TTC28: variants seen among roughly 807,000 people sequenced by gnomAD.
TTC28 encodes tetratricopeptide repeat domain 28, also known as tetratricopeptide repeat protein 28.
A neutral mutation model predicts 198.0 loss-of-function variants in TTC28; 61 were observed. The ratio of observed to expected loss-of-function variants is 0.31; its 90% CI spans 0.25 to 0.38. The LOEUF (loss-of-function observed/expected upper bound fraction) is 0.38, where lower values mean the gene tolerates loss of function less well. TTC28 is among the 10% of genes least tolerant of loss of function. The probability of loss-of-function intolerance (pLI) is 1.00; values close to 1 mark genes in which losing one functional copy is unlikely to be tolerated. For missense variants in TTC28, 2,678 were observed against 3,164.0 expected, an observed-to-expected ratio of 0.85 and a Z score of 3.69; for synonymous variants, 1,171 against 1,297.8, an observed-to-expected ratio of 0.90 and a Z score of 2.10.
chr22:28,337,902 T>C lies in TTC28; in HGVS notation c.382-31259A>G, dbSNP rs570511731. On this transcript the variant is annotated intron_variant, in intron 2 of 22. Transcript: ENST00000397906. ...GTCTTTATGATGTTAGCTGGTTATT[T>C]TGCTCGTTGGTTGATGCAGTTTCTT... Among the ~76,000 whole-genome samples, 7 of 152,352 alleles carry C rather than the reference T, an allele frequency of 4.6e-5. No individual in the cohort carries two copies. In the South Asian group the frequency reaches 1.4e-3, roughly 32 times the overall value.
intron 5 of TTC28, among the ~76,000 whole-genome samples, chr22:28,257,752 A>ATATATC (rs1931040350): frequency 2.5e-5 from 1 of 39,414 alleles, no homozygotes; most frequent in African/African-American, 6.9e-5. Context: ...ATATATATAT[A>ATATATC]TATATATATA....
At chr22:28,067,278 T>C (rs1940791737) in intron 12 of TTC28, among the ~76,000 whole-genome samples, 2 of 152,306 alleles carry the variant, frequency 1.3e-5, no homozygotes, top group South Asian at 4.1e-4. Flanking sequence ...AGTGAGAACT[T>C]CTTATAGCAG....
intron 5 of TTC28, among the ~76,000 whole-genome samples, chr22:28,165,063 G>C (rs953132195): frequency 2.6e-5 from 4 of 152,198 alleles, no homozygotes; most frequent in Admixed American, 2.6e-4. Context: ...CGATCAACTG[G>C]AAGAAAGGGT....
intron 1 of TTC28, among the ~76,000 whole-genome samples, chr22:28,669,964 A>G (rs1379228087): frequency 6.6e-6 from 1 of 152,060 alleles, no homozygotes; most frequent in Admixed American, 6.6e-5. Flanking sequence ...TACACACAGT[A>G]TATACTCTAT....
intron 2 of TTC28, among the ~76,000 whole-genome samples, chr22:28,407,387 A>G (rs1033969299): frequency 3.3e-5 from 5 of 152,166 alleles, no homozygotes; most frequent in African/African-American, 1.2e-4. Context: ...CCTTTCCCCA[A>G]CATGCTTGTC....
At chr22:28,202,726 A>G (rs1463243519) in intron 5 of TTC28, among the ~76,000 whole-genome samples, 1 of 152,124 alleles carries the variant, frequency 6.6e-6, no homozygotes, top group Non-Finnish European at 1.5e-5. Flanking sequence ...CCCTTCTTCC[A>G]ATGCAAATGC....
At chr22:28,344,207 T>C (rs1443425121) in intron 2 of TTC28, among the ~76,000 whole-genome samples, 1 of 151,284 alleles carries the variant, frequency 6.6e-6, no homozygotes, top group African/African-American at 2.4e-5. Flanking sequence ...TCAAGTTGTG[T>C]CTTGAAGCAG....
chr22:28,659,803 T>C (rs545107007), intron 1 of TTC28, among the ~76,000 whole-genome samples: 2 of 111,284 alleles, frequency 1.8e-5, no homozygotes, highest in African/African-American at 6.2e-5. Context: ...CTGAAATGCA[T>C]TTTTTTTTTT....
At chr22:28,437,997 C>T (rs1459753294) in intron 2 of TTC28, among the ~76,000 whole-genome samples, 2 of 152,088 alleles carry the variant, frequency 1.3e-5, no homozygotes, top group Non-Finnish European at 2.9e-5. Context: ...TCAAGAGATC[C>T]GCCAGAACCA....
chr22:28,238,546 C>T (rs1324177657), intron 5 of TTC28, among the ~76,000 whole-genome samples: 1 of 152,100 alleles, frequency 6.6e-6, no homozygotes, highest in Non-Finnish European at 1.5e-5. Flanking sequence ...GTGTCATTTA[C>T]TTGCAAATCA....
At chr22:28,626,968 A>C (rs1015035445) in intron 2 of TTC28, among the ~76,000 whole-genome samples, 3 of 152,150 alleles carry the variant, frequency 2.0e-5, no homozygotes, top group African/African-American at 7.2e-5. Flanking sequence ...ATGATAAAGA[A>C]AAATGAAAAA....
chr22:28,582,969 G>C (rs999866772), intron 2 of TTC28, among the ~76,000 whole-genome samples: 1 of 152,168 alleles, frequency 6.6e-6, no homozygotes, highest in African/African-American at 2.4e-5. Context: ...AGAGGAAAGA[G>C]TGTGTTCACA....
chr22:28,285,050 G>A (rs1032413978), intron 5 of TTC28, among the ~76,000 whole-genome samples: 5 of 152,204 alleles, frequency 3.3e-5, no homozygotes, highest in Admixed American at 2.0e-4. Flanking sequence ...TCTGTTCACT[G>A]CAGCATTATT....
In TTC28 at chr22:28,005,830, G is replaced by C. The variant is rs1345758475; in HGVS notation, c.4219-4277C>G. On this transcript the variant is annotated intron_variant, in intron 14 of 22. Coordinates refer to ENST00000397906, the MANE Select transcript of TTC28 (RefSeq NM_001145418.2). The surrounding 1 kb of genome is among the most constrained non-coding windows in gnomAD (Gnocchi z 4.9). ...CTGGCTCTGGCCTGGCCAAACAGTGGACATATCTCTGTGTCCTGTGGGCTG... is the reference window on the plus strand; with the variant it reads ...CTGGCTCTGGCCTGGCCAAACAGTGCACATATCTCTGTGTCCTGTGGGCTG... Among the ~76,000 whole-genome samples the C allele has an allele frequency of 6.6e-6, 1 of 152,204 alleles. No individual in the cohort carries two copies. Among genetic ancestry groups the C allele is most frequent in the African/African-American group, 2.4e-5 (1 of 41,454 alleles).
chr22:28,139,551 G>A (rs1444302297), intron 6 of TTC28, among the ~76,000 whole-genome samples: 1 of 152,110 alleles, frequency 6.6e-6, no homozygotes, highest in African/African-American at 2.4e-5. Context: ...CATTGCAGCA[G>A]GGAAAATAAG....
intron 2 of TTC28, among the ~76,000 whole-genome samples, chr22:28,387,113 G>A (rs1417360098): frequency 5.3e-5 from 8 of 151,930 alleles, no homozygotes; most frequent in East Asian, 1.9e-4. Context: ...TTGTTCTTGC[G>A]ATAGTTTGCT....
At position 27,996,241 on chromosome 22, in the gene TTC28, C is replaced by T; in HGVS notation, c.5138G>A (p.Ser1713Asn). The T allele has an allele frequency of 6.4e-7, 1 of 1,551,122 alleles. No homozygotes were observed. Among genetic ancestry groups the T allele is most frequent in the Non-Finnish European group, 8.7e-7 (1 of 1,146,990 alleles). ...SNWAGFMLIGSDVKLNSPSSL... is the reference protein window; with the variant it reads ...SNWAGFMLIGNDVKLNSPSSL... ...TGAGGGGCTGTTCAGCTTAACGTCA[C>T]TCCCGATGAGCATGAACCCTGCAGA... The change falls in exon 17 of 23, where the codon AGT becomes AAT. Residue 1713 changes from serine to asparagine, a missense_variant. By Grantham distance (46) the Ser-to-Asn change is conservative. Coordinates refer to ENST00000397906, the MANE Select transcript of TTC28 (RefSeq NM_001145418.2).
intron 2 of TTC28, among the ~76,000 whole-genome samples, chr22:28,619,436 T>G (rs928694059): frequency 6.6e-6 from 1 of 152,182 alleles, no homozygotes; most frequent in Admixed American, 6.5e-5. Flanking sequence ...CACATGCGTA[T>G]TATGCCAATA....
rs1470013526 is a variant in TTC28, at chr22:28,390,767, G to A, written c.382-84124C>T. Among the ~76,000 whole-genome samples, 667 of 152,146 alleles carry A rather than the reference G, an allele frequency of 4.4e-3. 2 individuals are homozygous for A. Among genetic ancestry groups the A allele is most frequent in the East Asian group, 0.035 (181 of 5,168 alleles). On this transcript the variant is annotated intron_variant, in intron 2 of 22. Transcript: ENST00000397906. Reference sequence around the variant, plus strand: ...CATGTGAGATGGGTTTCCTGAATACGGCACACTGATGGGTCTTGACTCTTT... The same window carrying A: ...CATGTGAGATGGGTTTCCTGAATACAGCACACTGATGGGTCTTGACTCTTT...
Sources: allele counts gnomAD v4.1 joint callset (sites outside exome capture counted in the v4.1 genomes callset), GRCh38; gene constraint gnomAD v4.1.1; non-coding constraint Gnocchi (gnomAD v3.1); transcripts MANE v1.5; gene names NCBI Gene and HGNC (gene_info 2026-07-23, HGNC 2026-07-21).